The following FGF13 variants were observed in gnomAD, a reference collection of about 807,000 sequenced individuals.
FGF13 encodes the protein fibroblast growth factor homologous factor 2.
FGF13 carries 2 observed loss-of-function variants against 19.5 expected under a neutral mutation model. The ratio of observed to expected loss-of-function variants is 0.10; its 90% CI spans 0.04 to 0.32. The LOEUF (loss-of-function observed/expected upper bound fraction) is 0.32. FGF13 is among the 10% of genes least tolerant of loss of function. The pLI, the probability that FGF13 is intolerant of heterozygous loss-of-function variation, is 1.00. For synonymous variants in FGF13, 72 were observed against 76.9 expected, an observed-to-expected ratio of 0.94 and a Z score of 0.33; for missense variants, 113 against 192.7, an observed-to-expected ratio of 0.59 and a Z score of 2.45.
intron 3 of FGF13, among the ~76,000 whole-genome samples, chrX:138,848,436 C>T (rs1054068634): frequency 1.8e-5 from 2 of 110,852 alleles, no homozygotes; most frequent in African/African-American, 6.6e-5. Flanking sequence ...ATTAGAATCA[C>T]TTAGATAGAT....
intron 3 of FGF13, among the ~76,000 whole-genome samples, chrX:138,811,694 T>C (rs1391053486): frequency 9.0e-6 from 1 of 111,101 alleles, no homozygotes; most frequent in Non-Finnish European, 1.9e-5. Context: ...TGTAGCTCTA[T>C]GTCAAACTTC....
chrX:139,069,401 G>A (rs1205216154), intron 1 of FGF13, among the ~76,000 whole-genome samples: 1 of 82,377 alleles, frequency 1.2e-5, no homozygotes, highest in East Asian at 4.1e-4. Context: ...CTCATAGGTG[G>A]GAATTGAACA....
chrX:138,969,891 C>A (rs1356907451), intron 1 of FGF13, among the ~76,000 whole-genome samples: 1 of 111,848 alleles, frequency 8.9e-6, no homozygotes, highest in Non-Finnish European at 1.9e-5. Context: ...GCTGACTCAC[C>A]TACCATAATA....
chrX:139,057,470 A>G (rs1034683972), intron 1 of FGF13, among the ~76,000 whole-genome samples: 12 of 111,917 alleles, frequency 1.1e-4, no homozygotes, highest in Non-Finnish European at 9.4e-5. Context: ...AGTTTTGCAT[A>G]TGACCCAGAA....
rs1213894631 is a variant in FGF13 at position 138,629,664 on chromosome X, A to T, written c.*3186T>A. 2.7e-5 allele frequency: 3 copies of T among 111,645 alleles called. No homozygotes were observed. Among genetic ancestry groups the T allele is most frequent in the Non-Finnish European group, 3.8e-5 (2 of 53,210 alleles). 9.2% of individuals were successfully genotyped at this position (111,645 alleles called of 1,213,427 possible). Reference sequence around the variant, plus strand: ...TCAATTAAACCTCTTTCCTTTATAAATTACCCAGTCTCAGGTAGTATCTTT... The same window carrying T: ...TCAATTAAACCTCTTTCCTTTATAATTTACCCAGTCTCAGGTAGTATCTTT... On this transcript the variant is annotated 3_prime_UTR_variant, in exon 5 of 5. Coordinates refer to ENST00000315930, the MANE Select transcript of FGF13 (RefSeq NM_004114.5).
intron 1 of FGF13, among the ~76,000 whole-genome samples, chrX:138,926,824 G>A (rs762690174): frequency 2.7e-5 from 3 of 111,093 alleles, no homozygotes; most frequent in African/African-American, 9.8e-5. Flanking sequence ...GTGGTGTGGC[G>A]GGCTCCTGTA....
At chrX:139,106,303 T>C (rs186234784) in intron 1 of FGF13, among the ~76,000 whole-genome samples, 1 of 112,616 alleles carries the variant, frequency 8.9e-6, no homozygotes, top group African/African-American at 3.2e-5. Context: ...CACAGAAAAG[T>C]TGGGTGACTT....
rs1302705459 is a variant in FGF13, at chrX:138,618,556, A to G, written c.*14294T>C. The G allele has an allele frequency of 3.6e-5, 4 of 111,670 alleles. No individual in the cohort carries two copies. The Admixed American group carries it at 3.8e-4, about 11-fold the overall frequency. 9.2% of individuals were successfully genotyped at this position (111,670 alleles called of 1,213,427 possible). The stretch of plus-strand genomic sequence containing the variant: ...GACTCCATCAGGAGGCCCACCCACT[A>G]GTGGCTTGGGATGCCTGAACTGTAA... On this transcript the variant is annotated 3_prime_UTR_variant, in exon 5 of 5. Transcript: ENST00000315930.
chrX:138,816,480 T>C (rs917822161), intron 3 of FGF13, among the ~76,000 whole-genome samples: 1 of 112,663 alleles, frequency 8.9e-6, no homozygotes. Context: ...CCTGAAAATG[T>C]ATCACCAACA....
chrX:138,809,013 G>T (rs2090897782), intron 3 of FGF13, among the ~76,000 whole-genome samples: 1 of 111,714 alleles, frequency 9.0e-6, no homozygotes, highest in African/African-American at 3.3e-5. Flanking sequence ...TTCTACCAGA[G>T]TTACAAGGAG....
intron 1 of FGF13, among the ~76,000 whole-genome samples, chrX:138,723,427 C>T (rs2090161368): frequency 9.0e-6 from 1 of 111,566 alleles, no homozygotes; most frequent in South Asian, 3.7e-4. Flanking sequence ...ACAGCTCACC[C>T]TGGTGTTGCC....
chrX:138,864,734 C>T (rs2091308088), intron 1 of FGF13: 1 of 112,390 alleles, frequency 8.9e-6, no homozygotes, highest in Non-Finnish European at 1.9e-5. Flanking sequence ...TATTCTGCCC[C>T]TGCATGAATG....
chrX:138,964,023 CTG>C (rs1238638545), intron 1 of FGF13, among the ~76,000 whole-genome samples: 2 of 111,662 alleles, frequency 1.8e-5, no homozygotes, highest in African/African-American at 3.3e-5. Flanking sequence ...TAATAGGCAA[CTG>C]TAAATTTTTC....
chrX:138,797,307 T>C (rs2090786622), intron 3 of FGF13, among the ~76,000 whole-genome samples: 1 of 111,872 alleles, frequency 8.9e-6, no homozygotes, highest in African/African-American at 3.2e-5. Context: ...ATTTATTAAA[T>C]AGGGAATCCT....
chrX:138,642,171 G>A (rs769646269), intron 3 of FGF13, among the ~76,000 whole-genome samples: 1 of 95,244 alleles, frequency 1.0e-5, no homozygotes, highest in South Asian at 7.1e-4. Context: ...GAAAGGATGA[G>A]AGAAAGGGGA....
In FGF13 at chrX:139,202,453, G is replaced by C. The variant is rs74816499; in HGVS notation, c.-113+963C>G. On this transcript the variant is annotated intron_variant, in intron 1 of 2. Transcript: ENST00000421460. ...ATTAGGGGAGCTCTGGAAACCTACA[G>C]CTGTCGTTCTACTTTCCAAAGTTAC... is the stretch of plus-strand genomic sequence containing the variant. Among the ~76,000 whole-genome samples, 34 of 111,905 alleles carry C rather than the reference G, an allele frequency of 3.0e-4. No homozygotes were observed. In the East Asian group the frequency reaches 8.1e-3, roughly 27 times the overall value.
chrX:138,674,057 G>C (rs2089640740), intron 3 of FGF13, among the ~76,000 whole-genome samples: 1 of 110,315 alleles, frequency 9.1e-6, no homozygotes, highest in African/African-American at 3.3e-5. Flanking sequence ...TTGGTATAAA[G>C]GTAATTTAAC....
Position 138,632,829 on chromosome X carries a change from C to A in FGF13, c.*21G>T, listed in dbSNP as rs751348063. 1.1e-5 allele frequency: 13 copies of A among 1,198,874 alleles called. No homozygotes were observed. The African/African-American group carries it at 2.3e-4, about 21-fold the overall frequency. On this transcript the variant is annotated 3_prime_UTR_variant, in exon 5 of 5. Coordinates refer to ENST00000315930, the MANE Select transcript of FGF13 (RefSeq NM_004114.5). Reference sequence around the variant, plus strand: ...CTGGAGGTAAGGTTCTGTTACAGAGCCCTTCTTTTGCCCTCACTGGCTACG... The same window carrying A: ...CTGGAGGTAAGGTTCTGTTACAGAGACCTTCTTTTGCCCTCACTGGCTACG...
chrX:138,782,551 C>T (rs1170771767), intron 3 of FGF13, among the ~76,000 whole-genome samples: 1 of 105,950 alleles, frequency 9.4e-6, no homozygotes, highest in Non-Finnish European at 1.9e-5. Context: ...CATGAGTGAA[C>T]TCCCATTCAC....
Sources: allele counts gnomAD v4.1 joint callset (sites outside exome capture counted in the v4.1 genomes callset), GRCh38; gene constraint gnomAD v4.1.1; transcripts MANE v1.5; gene names NCBI Gene and HGNC (gene_info 2026-07-23, HGNC 2026-07-21).